The following SLCO3A1 variants were observed in gnomAD, a reference collection of about 807,000 sequenced individuals.
SLCO3A1 encodes the protein PGE1 transporter.
Under a neutral mutation model 63.1 loss-of-function variants are expected in SLCO3A1, and 27 were observed. That is an observed-to-expected ratio of 0.43 (90% CI 0.32 to 0.59). SLCO3A1 has a LOEUF of 0.59. Among genes scored for constraint, SLCO3A1 ranks in the 20% least tolerant of loss-of-function variants. The pLI is 0.09. For synonymous variants in SLCO3A1, 473 were observed against 409.9 expected, an observed-to-expected ratio of 1.15 and a Z score of -1.86; for missense variants, 773 against 945.8, an observed-to-expected ratio of 0.82 and a Z score of 2.40.
chr15:91,977,314 G>A (rs1190912979), intron 2 of SLCO3A1, among the ~76,000 whole-genome samples: 4 of 152,158 alleles, frequency 2.6e-5, no homozygotes, highest in African/African-American at 9.7e-5. Flanking sequence ...CCTCCTTTCT[G>A]TATCCTCATG....
At chr15:92,065,997 C>T (rs1055000873) in intron 2 of SLCO3A1, among the ~76,000 whole-genome samples, 5 of 152,222 alleles carry the variant, frequency 3.3e-5, no homozygotes, top group African/African-American at 4.8e-5. Context: ...AAGTAGTGAG[C>T]TTTCTTACGG....
chr15:91,865,391 G>A lies in SLCO3A1; in HGVS notation c.180+11303G>A, dbSNP rs1470701137. Among the ~76,000 whole-genome samples, 2 of 152,178 alleles carry A rather than the reference G, an allele frequency of 1.3e-5. No homozygotes were observed. Among genetic ancestry groups the A allele is most frequent in the Non-Finnish European group, 2.9e-5 (2 of 68,030 alleles). On this transcript the variant is annotated intron_variant, in intron 1 of 9. Coordinates refer to ENST00000318445, the MANE Select transcript of SLCO3A1 (RefSeq NM_013272.4). The surrounding 1 kb of genome is among the most constrained non-coding windows in gnomAD (Gnocchi z 4.6). Reference sequence around the variant, plus strand: ...GACATGGGCTTGGAGGGGAGAGGGTGGATGAGATGGTAGGCATTTCAGAAG... The same window carrying A: ...GACATGGGCTTGGAGGGGAGAGGGTAGATGAGATGGTAGGCATTTCAGAAG...
At position 91,968,492 on chromosome 15, in the gene SLCO3A1, A is replaced by G. The variant is rs1325096899; in HGVS notation, c.646+52034A>G. On this transcript the variant is annotated intron_variant, in intron 2 of 9. Coordinates refer to ENST00000318445, the MANE Select transcript of SLCO3A1 (RefSeq NM_013272.4). The surrounding 1 kb of genome is among the most constrained non-coding windows in gnomAD (Gnocchi z 4.2). ...GCTAGAACAGGGCCTCTAATTTATC[A>G]TGTCTTCTCACTAGGTGAGGTGAAT... is the stretch of plus-strand genomic sequence containing the variant. 6.6e-6 allele frequency among the ~76,000 whole-genome samples: 1 copy of G among 151,956 alleles called. No homozygotes were observed. The highest frequency in any genetic ancestry group is 1.5e-5 in the Non-Finnish European group (1 of 68,010).
chr15:92,161,365 T>G (rs751360538), intron 9 of SLCO3A1, among the ~76,000 whole-genome samples: 1 of 152,172 alleles, frequency 6.6e-6, no homozygotes, highest in Non-Finnish European at 1.5e-5. Flanking sequence ...TGGGACACCC[T>G]GGATGATGAT....
intron 2 of SLCO3A1, among the ~76,000 whole-genome samples, chr15:91,997,606 C>G (rs567801213): frequency 7.9e-5 from 12 of 152,288 alleles, no homozygotes; most frequent in East Asian, 5.8e-4. Flanking sequence ...TGAATTTAAA[C>G]TATGCTATAA....
At chr15:92,052,223 C>G (rs1349614450) in intron 2 of SLCO3A1, among the ~76,000 whole-genome samples, 1 of 152,152 alleles carries the variant, frequency 6.6e-6, no homozygotes, top group African/African-American at 2.4e-5. Flanking sequence ...GGTGTCCATG[C>G]TCCTGTCATC....
At chr15:92,047,041 AATAT>A (rs1162019011) in intron 2 of SLCO3A1, among the ~76,000 whole-genome samples, 1 of 37,836 alleles carries the variant, frequency 2.6e-5, no homozygotes, top group Non-Finnish European at 4.9e-5. Flanking sequence ...TATATATATA[AATAT>A]ATATATAATA....
At chr15:92,064,635 C>A (rs976016640) in intron 2 of SLCO3A1, among the ~76,000 whole-genome samples, 3 of 152,166 alleles carry the variant, frequency 2.0e-5, no homozygotes, top group Admixed American at 1.3e-4. Flanking sequence ...TAGTACCCAT[C>A]AACGGATGAA....
At chr15:91,987,079 C>T (rs2046062935) in intron 2 of SLCO3A1, among the ~76,000 whole-genome samples, 1 of 152,074 alleles carries the variant, frequency 6.6e-6, no homozygotes, top group Admixed American at 6.5e-5. Context: ...GCAACCTGAG[C>T]AGAAGTTGCT....
intron 2 of SLCO3A1, among the ~76,000 whole-genome samples, chr15:91,928,206 T>C (rs2151388410): frequency 6.6e-6 from 1 of 152,322 alleles, no homozygotes; most frequent in Non-Finnish European, 1.5e-5. Context: ...TAAGCACAGG[T>C]GAGTTTGAAT....
At chr15:92,067,983 CTCACCCTATTCATGAGGGCT>C (rs2047171723) in intron 2 of SLCO3A1, among the ~76,000 whole-genome samples, 1 of 152,122 alleles carries the variant, frequency 6.6e-6, no homozygotes, top group Non-Finnish European at 1.5e-5. Flanking sequence ...TTTAAGGGCA[CTCACCCTATTCATGAGGGCT>C]TCACCCTCAT....
chr15:92,057,808 G>C (rs1219666711), intron 2 of SLCO3A1, among the ~76,000 whole-genome samples: 1 of 152,212 alleles, frequency 6.6e-6, no homozygotes, highest in Non-Finnish European at 1.5e-5. Context: ...GTTGCAGAAG[G>C]GAGAGGGGCC....
intron 4 of SLCO3A1, among the ~76,000 whole-genome samples, chr15:92,115,297 C>T (rs974091084): frequency 1.3e-5 from 2 of 152,032 alleles, no homozygotes; most frequent in African/African-American, 4.8e-5. Flanking sequence ...CCCAGGAACT[C>T]AGCCCAGCCC....
chr15:92,026,200 A>G (rs958903578), intron 2 of SLCO3A1, among the ~76,000 whole-genome samples: 9 of 152,138 alleles, frequency 5.9e-5, no homozygotes, highest in Non-Finnish European at 1.5e-5. Context: ...AGGAAAGGCA[A>G]GCAGAGGAAC....
intron 2 of SLCO3A1, among the ~76,000 whole-genome samples, chr15:92,052,883 A>G (rs1353480862): frequency 6.6e-6 from 1 of 152,152 alleles, no homozygotes; most frequent in Non-Finnish European, 1.5e-5. Context: ...GTTAAATAAA[A>G]TGTTGTTAGA....
At chr15:91,995,560 A>G (rs1210496746) in intron 2 of SLCO3A1, among the ~76,000 whole-genome samples, 3 of 152,180 alleles carry the variant, frequency 2.0e-5, no homozygotes, top group African/African-American at 7.2e-5. Flanking sequence ...TTGGCAGACA[A>G]TCATAGAGTA....
intron 2 of SLCO3A1, among the ~76,000 whole-genome samples, chr15:91,918,646 T>A (rs1035801488): frequency 6.6e-5 from 10 of 152,192 alleles, no homozygotes; most frequent in Non-Finnish European, 1.0e-4. Context: ...ATTTATTGTA[T>A]GAGCTATAAA....
intron 2 of SLCO3A1, among the ~76,000 whole-genome samples, chr15:92,032,357 C>T (rs1231857591): frequency 1.3e-5 from 2 of 151,828 alleles, no homozygotes; most frequent in South Asian, 2.1e-4. Flanking sequence ...CAGAGGTCCT[C>T]AAGGAAAATG....
chr15:92,126,997 G>A (rs995856841), intron 6 of SLCO3A1, among the ~76,000 whole-genome samples: 4 of 152,222 alleles, frequency 2.6e-5, no homozygotes, highest in Non-Finnish European at 5.9e-5. Flanking sequence ...CAGACCACGA[G>A]GCCTGCTCCT....
Sources: gnomAD v4.1 joint callset for allele counts (sites outside exome capture counted in the v4.1 genomes callset) on GRCh38, gnomAD v4.1.1 for gene constraint, Gnocchi (gnomAD v3.1) non-coding constraint, MANE v1.5 for transcripts, NCBI Gene and HGNC (gene_info 2026-07-23, HGNC 2026-07-21) for gene names.